Variants in CD96 observed in about 807,000 individuals in gnomAD.
The protein encoded by CD96 is CD96 molecule.
In CD96, 70 loss-of-function variants were observed where a neutral mutation model predicts 71.3. That is an observed-to-expected ratio of 0.98 (90% CI 0.81 to 1.20). The LOEUF (loss-of-function observed/expected upper bound fraction) is 1.20, where lower values mean the gene tolerates loss of function less well. Among genes scored for constraint, CD96 ranks in the 50% most tolerant of loss-of-function variants. The pLI is 0.00. For missense variants in CD96, 742 were observed against 677.5 expected, an observed-to-expected ratio of 1.10 and a Z score of -1.06; for synonymous variants, 248 against 233.0, an observed-to-expected ratio of 1.06 and a Z score of -0.59.
In CD96 at chr3:111,637,444, C is replaced by T. The variant is rs142803498; in HGVS notation, c.1387+183C>T. Among the ~76,000 whole-genome samples, 415 of 152,140 alleles carry T rather than the reference C, an allele frequency of 2.7e-3. 2 individuals carry two copies. Among genetic ancestry groups the T allele is most frequent in the African/African-American group, 9.4e-3 (391 of 41,462 alleles). ...CTCAGCCATTCAAAGAAGATAGAGA[C>T]CAAGCCTTAGATTTTTATACATTTT... is the stretch of plus-strand genomic sequence containing the variant. On this transcript the variant is annotated intron_variant, in intron 11 of 13. Coordinates refer to ENST00000352690, the MANE Select transcript of CD96 (RefSeq NM_005816.5).
intron 9 of CD96, 74 bp downstream of exon 9, chr3:111,623,896 A>C: frequency 2.1e-6 from 2 of 966,230 alleles, no homozygotes; most frequent in Non-Finnish European, 3.4e-6. Flanking sequence ...TGCTTCTATA[A>C]TGTTGACGTT....
chr3:111,644,547 A>G (rs1939738945), intron 12 of CD96, among the ~76,000 whole-genome samples: 1 of 152,210 alleles, frequency 6.6e-6, no homozygotes, highest in Non-Finnish European at 1.5e-5. Flanking sequence ...GCTTTTCCAC[A>G]GCAAAAGGAA....
At position 111,637,965 on chromosome 3, in the gene CD96, T is replaced by C; in HGVS notation, c.1388-114T>C. The C allele has an allele frequency of 1.0e-5, 8 of 762,226 alleles. No homozygotes were observed. The South Asian group carries it at 1.1e-4, about 11-fold the overall frequency. 47.2% of individuals were successfully genotyped at this position (762,226 alleles called of 1,614,324 possible). A position where few individuals can be genotyped will look rare whatever the true frequency, so the allele number is the denominator to read the frequency against. On this transcript the variant is annotated intron_variant, in intron 11 of 13. Transcript: ENST00000352690. Reference sequence around the variant, plus strand: ...AACTTTACACATAATATTTAAGGGATACTTAGACAATTTAAATTGAGTTCT... The same window carrying C: ...AACTTTACACATAATATTTAAGGGACACTTAGACAATTTAAATTGAGTTCT...
chr3:111,614,254 GTC>G (rs1157520010), intron 8 of CD96, among the ~76,000 whole-genome samples: 25 of 152,184 alleles, frequency 1.6e-4, no homozygotes, highest in Admixed American at 6.5e-4. Flanking sequence ...GACAGGGAAT[GTC>G]TCTGATTCCC....
intron 4 of CD96, among the ~76,000 whole-genome samples, chr3:111,582,444 G>C (rs1017828734): frequency 6.6e-6 from 1 of 152,156 alleles, no homozygotes; most frequent in Non-Finnish European, 1.5e-5. Context: ...TTAAAATCTA[G>C]TAAAACAACA....
intron 5 of CD96, among the ~76,000 whole-genome samples, chr3:111,591,802 G>A (rs888763166): frequency 2.6e-5 from 4 of 152,218 alleles, no homozygotes; most frequent in African/African-American, 9.6e-5. Context: ...CGGGACTTCA[G>A]TGTGGCCTGG....
At chr3:111,608,957 A>C (rs1937765394) in intron 8 of CD96, among the ~76,000 whole-genome samples, 1 of 152,236 alleles carries the variant, frequency 6.6e-6, no homozygotes, top group Non-Finnish European at 1.5e-5. Context: ...TGTACCTTAC[A>C]GAATTAAAAT....
At chr3:111,597,796 T>C (rs1937325136) in intron 5 of CD96, among the ~76,000 whole-genome samples, 1 of 152,204 alleles carries the variant, frequency 6.6e-6, no homozygotes, top group African/African-American at 2.4e-5. Flanking sequence ...TTGGTTTCCA[T>C]TTAGTATTAT....
chr3:111,582,731 C>A (rs1027587791), intron 4 of CD96, among the ~76,000 whole-genome samples: 1 of 152,118 alleles, frequency 6.6e-6, no homozygotes, highest in South Asian at 2.1e-4. Context: ...TGAGGAAAAT[C>A]AAAAGCATAA....
chr3:111,545,732 T>C (rs1456355807), intron 2 of CD96, among the ~76,000 whole-genome samples: 1 of 152,102 alleles, frequency 6.6e-6, no homozygotes, highest in Non-Finnish European at 1.5e-5. Context: ...GAGGTGGGGC[T>C]GAGGCAGAGT....
At position 111,598,058 on chromosome 3, in the gene CD96, G is replaced by A. The variant is rs997096244; in HGVS notation, c.808-62G>A. The A allele has an allele frequency of 6.8e-5, 54 of 795,412 alleles. No individual in the cohort carries two copies. The Middle Eastern group carries it at 1.1e-3, about 17-fold the overall frequency. 49.3% of individuals were successfully genotyped at this position (795,412 alleles called of 1,614,324 possible). A position where few individuals can be genotyped will look rare whatever the true frequency, so the allele number is the denominator to read the frequency against. On this transcript the variant is annotated intron_variant, in intron 5 of 13. Coordinates refer to ENST00000352690, the MANE Select transcript of CD96 (RefSeq NM_005816.5). ...TGCCAACTTATATGAATGTTAGTAA[G>A]TTGTAAGGAGTACCAGTTTCTTAGG...
intron 12 of CD96, among the ~76,000 whole-genome samples, chr3:111,641,338 G>A (rs947444679): frequency 6.6e-6 from 1 of 152,230 alleles, no homozygotes; most frequent in African/African-American, 2.4e-5. Flanking sequence ...AAAGCGAGCA[G>A]GGGTAGCTAT....
intron 8 of CD96, among the ~76,000 whole-genome samples, chr3:111,614,541 T>C (rs1938126998): frequency 6.6e-6 from 1 of 152,170 alleles, no homozygotes; most frequent in Non-Finnish European, 1.5e-5. Flanking sequence ...TCTGCTTCCT[T>C]CTCTCTGCAG....
intron 10 of CD96, 58 bp from the exon 11 acceptor site, chr3:111,637,138 C>CA: frequency 1.1e-6 from 1 of 874,902 alleles, no homozygotes; most frequent in South Asian, 1.3e-5. Flanking sequence ...AATTAGCAGT[C>CA]AAGAAGTGGT....
At chr3:111,612,016 C>T (rs981070583) in intron 8 of CD96, among the ~76,000 whole-genome samples, 1 of 152,140 alleles carries the variant, frequency 6.6e-6, no homozygotes, top group African/African-American at 2.4e-5. Flanking sequence ...TAGTTGAAGG[C>T]CTGTATTGTC....
intron 10 of CD96, among the ~76,000 whole-genome samples, chr3:111,628,897 C>A (rs1462541062): frequency 6.6e-6 from 1 of 152,156 alleles, no homozygotes; most frequent in African/African-American, 2.4e-5. Context: ...CCCAGAATTT[C>A]ATATCTGGCC....
intron 2 of CD96, among the ~76,000 whole-genome samples, chr3:111,566,115 C>A (rs1935697459): frequency 6.6e-6 from 1 of 150,496 alleles, no homozygotes; most frequent in Admixed American, 6.6e-5. Context: ...AACTTCATAA[C>A]CTAGCCTTTG....
chr3:111,580,034 G>A (rs985539312), intron 4 of CD96, among the ~76,000 whole-genome samples: 1 of 152,212 alleles, frequency 6.6e-6, no homozygotes, highest in Non-Finnish European at 1.5e-5. Flanking sequence ...TGAGCAAGGT[G>A]GAGTAAAGTC....
At chr3:111,604,816 C>T (rs1208654168) in intron 7 of CD96, among the ~76,000 whole-genome samples, 2 of 152,136 alleles carry the variant, frequency 1.3e-5, no homozygotes, top group Non-Finnish European at 2.9e-5. Flanking sequence ...ACTTTTTAAT[C>T]TCTATCACAA....
Sources: gnomAD v4.1 joint callset for allele counts (sites outside exome capture counted in the v4.1 genomes callset) on GRCh38, gnomAD v4.1.1 for gene constraint, MANE v1.5 for transcripts, NCBI Gene and HGNC (gene_info 2026-07-23, HGNC 2026-07-21) for gene names.